CDH4: variants seen among roughly 807,000 people sequenced by gnomAD.
The protein encoded by CDH4 is cadherin 4.
In CDH4, 33 loss-of-function variants were observed where a neutral mutation model predicts 86.0. That is an observed-to-expected ratio of 0.38 (90% CI 0.29 to 0.51). The LOEUF (loss-of-function observed/expected upper bound fraction) is 0.51. CDH4 is among the 20% of genes least tolerant of loss of function. CDH4 has a pLI of 0.86. For missense variants in CDH4, 1,114 were observed against 1,307.4 expected (o/e 0.85, Z 2.28); for synonymous variants, 555 against 549.4 (o/e 1.01, Z -0.14).
chr20:61,760,023 C>T (rs930457413), intron 3 of CDH4, among the ~76,000 whole-genome samples: 2 of 152,230 alleles, frequency 1.3e-5, no homozygotes, highest in Admixed American at 1.3e-4. Flanking sequence ...CATTCTGGAA[C>T]CTCCTTTCTT....
intron 3 of CDH4, among the ~76,000 whole-genome samples, chr20:61,760,379 C>CG (rs2088619910): frequency 6.6e-6 from 1 of 152,232 alleles, no homozygotes. Flanking sequence ...CACAGGTGCG[C>CG]GGGGAGAGGG....
At chr20:61,275,693 G>T (rs2084227736) in intron 2 of CDH4, among the ~76,000 whole-genome samples, 1 of 149,082 alleles carries the variant, frequency 6.7e-6, no homozygotes, top group African/African-American at 2.5e-5. Context: ...GCAGTTTGGG[G>T]GAGTACCGTG....
intron 2 of CDH4, among the ~76,000 whole-genome samples, chr20:61,739,740 C>T (rs973875521): frequency 6.6e-6 from 1 of 152,234 alleles, no homozygotes; most frequent in Non-Finnish European, 1.5e-5. Flanking sequence ...CTGCCCACTG[C>T]TGGCCAGAGC....
chr20:61,797,723 G>C (rs1237062439), intron 4 of CDH4, among the ~76,000 whole-genome samples: 1 of 152,196 alleles, frequency 6.6e-6, no homozygotes, highest in Non-Finnish European at 1.5e-5. Context: ...GGAATTCAAG[G>C]CTGCAGTGAG....
At chr20:61,305,638 C>T (rs2084412692) in intron 2 of CDH4, among the ~76,000 whole-genome samples, 1 of 152,190 alleles carries the variant, frequency 6.6e-6, no homozygotes, top group Admixed American at 6.5e-5. Context: ...CAGAGCTTCC[C>T]AGGGCTTTGG....
Position 61,875,744 on chromosome 20 carries a change from A to G in CDH4, c.1050+1844A>G, listed in dbSNP as rs938374933. 2.0e-5 allele frequency among the ~76,000 whole-genome samples: 3 copies of G among 152,186 alleles called. No individual in the cohort carries two copies. The East Asian group carries it at 5.8e-4, about 29-fold the overall frequency. On this transcript the variant is annotated intron_variant, in intron 7 of 15. Coordinates refer to ENST00000614565, the MANE Select transcript of CDH4 (RefSeq NM_001794.5). ...GCTCCGCTCAGACAAGGCTTTGCAG[A>G]TGAGCTGCACCTGGCCCTGGTCCCG...
intron 2 of CDH4, among the ~76,000 whole-genome samples, chr20:61,611,493 G>C (rs1446472919): frequency 6.6e-6 from 1 of 152,070 alleles, no homozygotes. Flanking sequence ...CAGACTCCCA[G>C]CCTGCGGGAT....
At chr20:61,856,098 T>C (rs1326741454) in intron 6 of CDH4, among the ~76,000 whole-genome samples, 2 of 152,164 alleles carry the variant, frequency 1.3e-5, no homozygotes, top group African/African-American at 4.8e-5. Flanking sequence ...ATCTCTACAA[T>C]TTCTTCTCTT....
At chr20:61,612,260 A>G (rs2086691084) in intron 2 of CDH4, among the ~76,000 whole-genome samples, 1 of 152,128 alleles carries the variant, frequency 6.6e-6, no homozygotes, top group South Asian at 2.1e-4. Context: ...TAGCTACTTC[A>G]AAATATACAA....
chr20:61,335,224 A>G (rs4239686), intron 2 of CDH4, among the ~76,000 whole-genome samples: 84,293 of 152,040 alleles, frequency 0.55, 23,407 homozygotes, highest in East Asian at 0.68. Context: ...CCAAGCCAGC[A>G]GTCGTCCCTG....
chr20:61,757,824 C>T (rs2088584020), intron 3 of CDH4, among the ~76,000 whole-genome samples: 1 of 152,172 alleles, frequency 6.6e-6, no homozygotes. Flanking sequence ...CTCTGTGTCA[C>T]CTCCTACCCC....
chr20:61,745,365 T>G (rs1280828737), intron 3 of CDH4, among the ~76,000 whole-genome samples: 1 of 152,152 alleles, frequency 6.6e-6, no homozygotes, highest in Non-Finnish European at 1.5e-5. Context: ...GAGGGACCTG[T>G]GTCTTCTTCT....
chr20:61,293,684 A>C (rs1337821707), intron 2 of CDH4, among the ~76,000 whole-genome samples: 2 of 152,182 alleles, frequency 1.3e-5, no homozygotes, highest in Non-Finnish European at 2.9e-5. Context: ...TCCTCTGCCA[A>C]ATGAGCACAG....
intron 2 of CDH4, among the ~76,000 whole-genome samples, chr20:61,281,938 C>T (rs2084261136): frequency 6.6e-6 from 1 of 152,130 alleles, no homozygotes; most frequent in Non-Finnish European, 1.5e-5. Flanking sequence ...AATTCCAAAC[C>T]GATGTGAAGG....
intron 2 of CDH4, among the ~76,000 whole-genome samples, chr20:61,448,441 G>T (rs1261099442): frequency 1.3e-5 from 2 of 152,170 alleles, no homozygotes; most frequent in African/African-American, 2.4e-5. Context: ...AACAGAGTAC[G>T]GTTAATCATA....
intron 2 of CDH4, among the ~76,000 whole-genome samples, chr20:61,408,840 A>C (rs1006283498): frequency 6.6e-6 from 1 of 152,136 alleles, no homozygotes; most frequent in Non-Finnish European, 1.5e-5. Flanking sequence ...GTTCTTTGCG[A>C]TCCTCAGTAC....
chr20:61,409,744 T>A (rs1186466822), intron 2 of CDH4, among the ~76,000 whole-genome samples: 1 of 152,278 alleles, frequency 6.6e-6, no homozygotes, highest in Non-Finnish European at 1.5e-5. Flanking sequence ...CCATTTATTT[T>A]CTAATATTCC....
chr20:61,386,036 T>C (rs2084949325), intron 2 of CDH4, among the ~76,000 whole-genome samples: 1 of 152,212 alleles, frequency 6.6e-6, no homozygotes, highest in African/African-American at 2.4e-5. Context: ...CGTGGCTCTG[T>C]GCTCAGCTAT....
rs554097782 is a variant in CDH4 at position 61,637,985 on chromosome 20, C to T, written c.170-105578C>T. Among the ~76,000 whole-genome samples the T allele has an allele frequency of 1.8e-4, 26 of 147,774 alleles. No individual in the cohort carries two copies. In the South Asian group the frequency reaches 4.7e-3, roughly 27 times the overall value. ...GGCGGAGGCTGCAGTGAGCCGAGATCGTGCCACTGCACTCCAGCCTGGGCA... is the reference window on the plus strand; with the variant it reads ...GGCGGAGGCTGCAGTGAGCCGAGATTGTGCCACTGCACTCCAGCCTGGGCA... On this transcript the variant is annotated intron_variant, in intron 2 of 15. Coordinates refer to ENST00000614565, the MANE Select transcript of CDH4 (RefSeq NM_001794.5).
Sources: gnomAD v4.1 joint callset for allele counts (sites outside exome capture counted in the v4.1 genomes callset) on GRCh38, gnomAD v4.1.1 for gene constraint, MANE v1.5 for transcripts, NCBI Gene and HGNC (gene_info 2026-07-23, HGNC 2026-07-21) for gene names.